LRP1B: variants seen among roughly 807,000 people sequenced by gnomAD.
The protein encoded by LRP1B is low-density lipoprotein receptor-related protein 1B.
Under a neutral mutation model 556.6 loss-of-function variants are expected in LRP1B, and 217 were observed. That is an observed-to-expected ratio of 0.39 (90% CI 0.35 to 0.44). LRP1B has a LOEUF of 0.44. Among genes scored for constraint, LRP1B ranks in the 20% least tolerant of loss-of-function variants. LRP1B has a pLI of 1.00. For missense variants in LRP1B, 5,053 were observed against 5,620.8 expected (o/e 0.90, Z 3.23); for synonymous variants, 2,047 against 1,865.8 (o/e 1.10, Z -2.50).
At chr2:142,109,621 A>G (rs1482076775) in intron 1 of LRP1B, among the ~76,000 whole-genome samples, 1 of 152,164 alleles carries the variant, frequency 6.6e-6, no homozygotes, top group Non-Finnish European at 1.5e-5. Context: ...ATACCTATGA[A>G]TTTATCAGAA....
chr2:140,576,634 C>A (rs187957156), intron 43 of LRP1B, among the ~76,000 whole-genome samples: 2 of 152,278 alleles, frequency 1.3e-5, no homozygotes, highest in East Asian at 3.9e-4. Context: ...CTTGCCACTT[C>A]CTGCCCCCAA....
At chr2:141,842,002 AAAATCT>A (rs1249943459) in intron 1 of LRP1B, among the ~76,000 whole-genome samples, 1 of 152,204 alleles carries the variant, frequency 6.6e-6, no homozygotes, top group African/African-American at 2.4e-5. Flanking sequence ...GTCAGGGTAG[AAAATCT>A]AAATCTAAGA....
In LRP1B at chr2:141,677,048, T is replaced by C. The variant is rs969604727; in HGVS notation, c.205+133231A>G. 2.0e-4 allele frequency among the ~76,000 whole-genome samples: 30 copies of C among 152,146 alleles called. 1 individual carries two copies. The highest frequency in any genetic ancestry group is 1.5e-3 in the Admixed American group (23 of 15,254). The stretch of plus-strand genomic sequence containing the variant: ...ATAATTACAATTGTGATAACTCTTA[T>C]GAAGGAAACCAAATAATGTTATAGA... On this transcript the variant is annotated intron_variant, in intron 2 of 90. Coordinates refer to ENST00000389484, the MANE Select transcript of LRP1B (RefSeq NM_018557.3).
chr2:141,290,328 A>G lies in LRP1B; in HGVS notation c.344-35687T>C, dbSNP rs1468251854. Among the ~76,000 whole-genome samples, 4 of 152,246 alleles carry G rather than the reference A, an allele frequency of 2.6e-5. No homozygotes were observed. In the East Asian group the frequency reaches 7.7e-4, roughly 29 times the overall value. On this transcript the variant is annotated intron_variant, in intron 3 of 90. Coordinates refer to ENST00000389484, the MANE Select transcript of LRP1B (RefSeq NM_018557.3). ...AAGTGTTTTAAAATACTACCAGAAA[A>G]TGCTAGTATTTCTTTTTTATATTTA...
At chr2:141,198,686 C>T (rs1033078763) in intron 6 of LRP1B, among the ~76,000 whole-genome samples, 1 of 152,078 alleles carries the variant, frequency 6.6e-6, no homozygotes, top group African/African-American at 2.4e-5. Flanking sequence ...TAGCACAGGC[C>T]ACAAGCCAAT....
At chr2:141,122,516 C>T (rs955268629) in intron 7 of LRP1B, among the ~76,000 whole-genome samples, 4 of 151,944 alleles carry the variant, frequency 2.6e-5, no homozygotes, top group African/African-American at 9.6e-5. Context: ...TCATCACTGG[C>T]CATCAGAGAA....
chr2:140,994,497 G>A (rs923210015), intron 15 of LRP1B, among the ~76,000 whole-genome samples: 1 of 151,628 alleles, frequency 6.6e-6, no homozygotes, highest in Admixed American at 6.6e-5. Flanking sequence ...GTCAAAGAGC[G>A]CAAAGTGGCA....
chr2:140,309,225 C>G (rs1227999171), intron 83 of LRP1B, among the ~76,000 whole-genome samples: 3 of 151,496 alleles, frequency 2.0e-5, no homozygotes, highest in South Asian at 2.1e-4. Flanking sequence ...TTCAGCAAAG[C>G]CTGACAAAGA....
chr2:140,320,364 T>C (rs1323763310), intron 82 of LRP1B, among the ~76,000 whole-genome samples: 1 of 152,116 alleles, frequency 6.6e-6, no homozygotes, highest in East Asian at 1.9e-4. Flanking sequence ...GAGTGCCTTA[T>C]AAAGAGCACA....
chr2:142,024,399 T>C (rs1703437429), intron 1 of LRP1B, among the ~76,000 whole-genome samples: 1 of 152,316 alleles, frequency 6.6e-6, no homozygotes, highest in African/African-American at 2.4e-5. Flanking sequence ...GGCCCTTGCC[T>C]TGGAGTTTCT....
rs534078948 is a variant in LRP1B, at chr2:141,972,912, A to G, written c.82+157736T>C. Among the ~76,000 whole-genome samples the G allele has an allele frequency of 2.2e-4, 34 of 151,850 alleles. No individual in the cohort carries two copies. The South Asian group carries it at 6.6e-3, about 30-fold the overall frequency. On this transcript the variant is annotated intron_variant, in intron 1 of 90. Transcript: ENST00000389484. ...AAAGGGATTAATAGACTCATAATAC[A>G]TACATCGAATCCCCATAGACAATAA...
chr2:141,491,552 C>G (rs1574008538), intron 2 of LRP1B, among the ~76,000 whole-genome samples: 1 of 152,120 alleles, frequency 6.6e-6, no homozygotes, highest in East Asian at 1.9e-4. Context: ...GAGAGCCTAC[C>G]CAATTAGAAG....
At chr2:140,339,064 GCT>G (rs1302131917) in intron 77 of LRP1B, among the ~76,000 whole-genome samples, 2 of 151,670 alleles carry the variant, frequency 1.3e-5, no homozygotes, top group African/African-American at 4.8e-5. Flanking sequence ...TTTCTAACAA[GCT>G]CTCTAAATAC....
intron 77 of LRP1B, among the ~76,000 whole-genome samples, chr2:140,348,093 A>G (rs150606863): frequency 5.9e-5 from 9 of 152,166 alleles, no homozygotes; most frequent in African/African-American, 1.9e-4. Flanking sequence ...AATCAAATAT[A>G]TTTAAAATAT....
At chr2:140,687,775 T>C (rs1034748812) in intron 41 of LRP1B, among the ~76,000 whole-genome samples, 1 of 152,108 alleles carries the variant, frequency 6.6e-6, no homozygotes, top group Non-Finnish European at 1.5e-5. Context: ...TATATAAAAT[T>C]GAAATATTTT....
intron 7 of LRP1B, among the ~76,000 whole-genome samples, chr2:141,091,026 C>T (rs1481882802): frequency 6.6e-6 from 1 of 152,144 alleles, no homozygotes; most frequent in Non-Finnish European, 1.5e-5. Context: ...TCAATTATGT[C>T]TGGAGGACAG....
Position 142,093,521 on chromosome 2 carries a change from T to TC in LRP1B, c.82+37126dup, listed in dbSNP as rs1390295975. Among the ~76,000 whole-genome samples the TC allele has an allele frequency of 3.9e-5, 6 of 152,016 alleles. 1 individual carries two copies. The highest frequency in any genetic ancestry group is 3.3e-4 in the Admixed American group (5 of 15,232). ...AAGATAAAATACAGTAGTGAAAATG[T>TC]CCCCCTCTCCTTATAGTCCACATCA... On this transcript the variant is annotated intron_variant, in intron 1 of 90. Transcript: ENST00000389484.
intron 41 of LRP1B, among the ~76,000 whole-genome samples, chr2:140,618,839 G>A (rs75369311): frequency 7.2e-5 from 11 of 151,930 alleles, no homozygotes; most frequent in South Asian, 4.2e-4. Flanking sequence ...GGGGCAAGAC[G>A]GAGCTGGAAG....
rs185779608 is a variant in LRP1B, at chr2:141,230,155, C to G, written c.593-715G>C. On this transcript the variant is annotated intron_variant, in intron 5 of 90. Coordinates refer to ENST00000389484, the MANE Select transcript of LRP1B (RefSeq NM_018557.3). ...GTTTCAACAGCATATTTAAACGTAACAGTAAAATCTGATAGAAAATTCGTG... is the reference window on the plus strand; with the variant it reads ...GTTTCAACAGCATATTTAAACGTAAGAGTAAAATCTGATAGAAAATTCGTG... Among the ~76,000 whole-genome samples the G allele has an allele frequency of 4.6e-5, 7 of 152,258 alleles. No homozygotes were observed. In the East Asian group the frequency reaches 1.4e-3, roughly 29 times the overall value.
Sources: gnomAD v4.1 joint callset for allele counts (sites outside exome capture counted in the v4.1 genomes callset) on GRCh38, gnomAD v4.1.1 for gene constraint, MANE v1.5 for transcripts, NCBI Gene and HGNC (gene_info 2026-07-23, HGNC 2026-07-21) for gene names.